The following TNRC18 variants were observed in gnomAD, a reference collection of about 807,000 sequenced individuals.
The protein encoded by TNRC18 is trinucleotide repeat containing 18.
A neutral mutation model predicts 226.7 loss-of-function variants in TNRC18; 69 were observed. The ratio of observed to expected loss-of-function variants is 0.30; its 90% confidence interval spans 0.25 to 0.37. TNRC18 has a LOEUF of 0.37. Ranked by LOEUF, TNRC18 falls within the 10% of genes least tolerant of loss-of-function variation. The pLI is 1.00. For missense variants in TNRC18, 4,754 were observed against 4,256.6 expected, an observed-to-expected ratio of 1.12 and a Z score of -3.25; for synonymous variants, 2,449 against 1,927.6, an observed-to-expected ratio of 1.27 and a Z score of -7.09.
In TNRC18 at chr7:5,399,536, A is replaced by C. The variant is rs1780934212; in HGVS notation, c.188-4941T>G. ...AGCCTGGCAGACATGGTAAAACCCC[A>C]TCTCTACCAATAATACAAAATTAGC... is the stretch of plus-strand genomic sequence containing the variant. On this transcript the variant is annotated intron_variant, in intron 2 of 29. Coordinates refer to ENST00000430969, the MANE Select transcript of TNRC18 (RefSeq NM_001080495.3). Among the ~76,000 whole-genome samples the C allele has an allele frequency of 1.3e-5, 2 of 151,788 alleles. 1 individual carries two copies. The highest frequency in any genetic ancestry group is 1.3e-4 in the Admixed American group (2 of 15,212).
At chr7:5,407,377 G>A (rs1322946083) in intron 2 of TNRC18, 2 of 152,300 alleles carry the variant, frequency 1.3e-5, no homozygotes, top group Non-Finnish European at 2.9e-5. Flanking sequence ...GCTGGCCCCA[G>A]GGAGGAGGGA....
intron 18 of TNRC18, among the ~76,000 whole-genome samples, chr7:5,345,082 C>A (rs1173174042): frequency 6.6e-6 from 1 of 152,200 alleles, no homozygotes; most frequent in Non-Finnish European, 1.5e-5. Flanking sequence ...TCCCATGGCA[C>A]AGACCGCACC....
intron 24 of TNRC18, among the ~76,000 whole-genome samples, chr7:5,317,541 A>T (rs528569249): frequency 6.6e-6 from 1 of 152,238 alleles, no homozygotes; most frequent in South Asian, 2.1e-4. Context: ...CAGTAAGCTG[A>T]AATCACTGCA....
chr7:5,413,537 A>T (rs988102606), intron 2 of TNRC18, among the ~76,000 whole-genome samples: 1 of 151,960 alleles, frequency 6.6e-6, no homozygotes, highest in Non-Finnish European at 1.5e-5. Flanking sequence ...CGTTTCTTTT[A>T]TGTTTTGACA....
chr7:5,401,546 T>C (rs1334483643), intron 2 of TNRC18, among the ~76,000 whole-genome samples: 1 of 152,204 alleles, frequency 6.6e-6, no homozygotes, highest in Non-Finnish European at 1.5e-5. Flanking sequence ...ATCACAGGTG[T>C]TAGTTCCTTA....
intron 5 of TNRC18, 23 bp downstream of exon 5, chr7:5,387,649 C>T (rs1462937074): frequency 6.2e-6 from 10 of 1,601,228 alleles, no homozygotes; most frequent in Non-Finnish European, 8.5e-6. Flanking sequence ...CCTACCCGCA[C>T]CTGGGCTCTG....
chr7:5,391,878 G>A (rs536666642), intron 3 of TNRC18, among the ~76,000 whole-genome samples: 2 of 144,374 alleles, frequency 1.4e-5, no homozygotes, highest in South Asian at 2.3e-4. Flanking sequence ...TTTTTTTAAA[G>A]GGCACACAGA....
At chr7:5,399,017 G>T (rs950457852) in intron 2 of TNRC18, among the ~76,000 whole-genome samples, 4 of 152,104 alleles carry the variant, frequency 2.6e-5, no homozygotes, top group Non-Finnish European at 5.9e-5. Flanking sequence ...CACAAAAGAG[G>T]CTCTAAAATA....
At chr7:5,384,534 C>G (rs760514037) in intron 5 of TNRC18, among the ~76,000 whole-genome samples, 1 of 152,046 alleles carries the variant, frequency 6.6e-6, no homozygotes, top group East Asian at 1.9e-4. Flanking sequence ...CCCCCTCCCC[C>G]ACACAAACAC....
chr7:5,423,555 C>T lies in TNRC18; in HGVS notation c.-358G>A, dbSNP rs1325035331. The T allele has an allele frequency of 6.6e-6, 1 of 152,026 alleles. No homozygotes were observed. Among genetic ancestry groups the T allele is most frequent in the Non-Finnish European group, 1.5e-5 (1 of 67,960 alleles). The allele number at this position is 152,026 out of a possible 1,614,324, so 9.4% of individuals were successfully genotyped here. Reference sequence around the variant, plus strand: ...CCCGCCATCCCGCGGCCGCCGCTCCCCTCCGCCACCCGCAGCCGCCTCACA... The same window carrying T: ...CCCGCCATCCCGCGGCCGCCGCTCCTCTCCGCCACCCGCAGCCGCCTCACA... On this transcript the variant is annotated 5_prime_UTR_variant, in exon 1 of 30. Transcript: ENST00000430969.
intron 17 of TNRC18, among the ~76,000 whole-genome samples, chr7:5,350,161 G>A (rs1429466411): frequency 1.3e-5 from 2 of 152,020 alleles, no homozygotes; most frequent in Non-Finnish European, 2.9e-5. Flanking sequence ...GAAGGGGATC[G>A]TAAACTAACC....
intron 2 of TNRC18, chr7:5,419,954 C>T (rs1782444361): frequency 6.1e-6 from 1 of 163,142 alleles, no homozygotes; most frequent in Admixed American, 5.8e-5. Flanking sequence ...TTGCAAAAAT[C>T]CGAAACTGCA....
Position 5,332,759 on chromosome 7 carries a change from G to GA in TNRC18, c.6009_6010insT (p.Leu2004SerfsTer70). The stretch of plus-strand genomic sequence containing the variant: ...GGTGCAGCAGCCGAGGCGTCGTGCA[G>GA]GAAGATGCGCTCGCTGCGGCGCCGC... On this transcript the variant is annotated frameshift_variant, in exon 19 of 30. Coordinates refer to ENST00000430969, the MANE Select transcript of TNRC18 (RefSeq NM_001080495.3). LOFTEE classifies it high-confidence loss of function. 6.6e-7 allele frequency: 1 copy of GA among 1,520,260 alleles called. No individual in the cohort carries two copies. The highest frequency in any genetic ancestry group is 8.8e-7 in the Non-Finnish European group (1 of 1,140,068). 94.2% of individuals were successfully genotyped at this position (1,520,260 alleles called of 1,614,324 possible). A position where few individuals can be genotyped will look rare whatever the true frequency, so the allele number is the denominator to read the frequency against.
At chr7:5,329,945 T>A (rs1200217842) in intron 19 of TNRC18, 2 of 471,032 alleles carry the variant, frequency 4.2e-6, no homozygotes, top group Non-Finnish European at 8.8e-6. Context: ...ACCCAGTGTC[T>A]GCCTTTTGAT....
intron 8 of TNRC18, 121 bp downstream of exon 8, chr7:5,376,726 C>A: frequency 1.6e-6 from 2 of 1,234,904 alleles, no homozygotes; most frequent in Non-Finnish European, 2.3e-6. Context: ...AACCCCGGTC[C>A]GCCTCCCCAG....
At position 5,320,305 on chromosome 7, in the gene TNRC18, G is replaced by A; in HGVS notation, c.6745+13C>T. On this transcript the variant is annotated intron_variant, in intron 24 of 29. Coordinates refer to ENST00000430969, the MANE Select transcript of TNRC18 (RefSeq NM_001080495.3). ...TTAGGCGGCAGGGGAGAGCTGGGGA[G>A]GAGGCATCTCACCTCGGACCACAGT... 1 of 1,544,056 alleles carries A rather than the reference G, an allele frequency of 6.5e-7. No homozygotes were observed. The highest frequency in any genetic ancestry group is 2.4e-5 in the East Asian group (1 of 40,948).
intron 2 of TNRC18, chr7:5,420,803 G>A (rs1160722113): frequency 1.5e-6 from 1 of 678,912 alleles, no homozygotes; most frequent in East Asian, 2.8e-5. Flanking sequence ...CGCCCCCGGT[G>A]GCTCGGGCTA....
Position 5,371,076 on chromosome 7 carries a change from G to A in TNRC18, c.3518C>T (p.Pro1173Leu), listed in dbSNP as rs751045614. 120 of 1,611,550 alleles carry A rather than the reference G, an allele frequency of 7.4e-5. No homozygotes were observed. The highest frequency in any genetic ancestry group is 1.7e-4 in the Admixed American group (10 of 59,970). ...CAGTGGCAGCGGCGACTCCAGAGGC[G>A]GCAGCTCTGTGGGGCCCTCGTCCAT... ...EDMDEGPTEL[P>L]PLESPLPLPA... The change falls in exon 11 of 30, where the codon CCG becomes CTG. Residue 1173 changes from proline (P) to leucine (L), a missense_variant. By Grantham distance (98) the Pro-to-Leu change is moderately conservative. Transcript: ENST00000430969.
chr7:5,322,679 C>T (rs1249446531), intron 21 of TNRC18, among the ~76,000 whole-genome samples: 2 of 152,234 alleles, frequency 1.3e-5, no homozygotes, highest in Non-Finnish European at 2.9e-5. Context: ...CCTCTCATTG[C>T]CCCAACCCTC....
Sources: gnomAD v4.1 joint callset for allele counts (sites outside exome capture counted in the v4.1 genomes callset) on GRCh38, gnomAD v4.1.1 for gene constraint, MANE v1.5 for transcripts, NCBI Gene and HGNC (gene_info 2026-07-23, HGNC 2026-07-21) for gene names.